STAT2: variants seen among roughly 807,000 people sequenced by gnomAD.
STAT2 encodes interferon alpha induced transcriptional activator.
STAT2 carries 51 observed loss-of-function variants against 122.3 expected under a neutral mutation model. The observed-to-expected ratio is 0.42, with a 90% confidence interval of 0.33 to 0.53. The LOEUF (loss-of-function observed/expected upper bound fraction) is 0.53, where lower values mean the gene tolerates loss of function less well. Among genes scored for constraint, STAT2 ranks in the 20% least tolerant of loss-of-function variants. The probability of loss-of-function intolerance (pLI) is 0.10; values close to 1 mark genes in which losing one functional copy is unlikely to be tolerated. For synonymous variants in STAT2, 351 were observed against 394.9 expected, an observed-to-expected ratio of 0.89 and a Z score of 1.32; for missense variants, 736 against 1,010.3, an observed-to-expected ratio of 0.73 and a Z score of 3.68.
At chr12:56,348,234 T>C (rs1480287006) in intron 19 of STAT2, among the ~76,000 whole-genome samples, 1 of 151,820 alleles carries the variant, frequency 6.6e-6, no homozygotes, top group Non-Finnish European at 1.5e-5. Context: ...ACTACAGGTG[T>C]CTGCCACCAC....
intron 19 of STAT2, among the ~76,000 whole-genome samples, chr12:56,347,190 CTT>C (rs979112702): frequency 6.8e-6 from 1 of 147,352 alleles, no homozygotes; most frequent in South Asian, 2.2e-4. Context: ...ATGAACAGCA[CTT>C]TTTTTTTTTT....
intron 3 of STAT2, 137 bp downstream of exon 3, chr12:56,355,995 G>A (rs1297853490): frequency 4.5e-6 from 6 of 1,338,104 alleles, no homozygotes; most frequent in Non-Finnish European, 6.2e-6. Flanking sequence ...GATTCCCCAA[G>A]TCCAGACTCT....
chr12:56,354,121 G>T (rs1879131820), intron 8 of STAT2, among the ~76,000 whole-genome samples: 2 of 138,646 alleles, frequency 1.4e-5, no homozygotes, highest in Non-Finnish European at 1.5e-5. Flanking sequence ...TGTTTAATAA[G>T]CTAGGTAATA....
intron 22 of STAT2, among the ~76,000 whole-genome samples, chr12:56,345,524 A>AAAAAAAAAAAATATATAT (rs1555169410): frequency 3.8e-5 from 1 of 26,250 alleles, no homozygotes; most frequent in Non-Finnish European, 5.4e-5. Context: ...AAAAAAAAAA[A>AAAAAAAAAAAATATATAT]ATATATATAT....
rs897413211 is a variant in STAT2 at position 56,343,037 on chromosome 12, T to G, written c.*352A>C. The G allele has an allele frequency of 4.9e-6, 1 of 204,076 alleles. No homozygotes were observed. The highest frequency in any genetic ancestry group is 2.3e-5 in the African/African-American group (1 of 43,322). The allele number at this position is 204,076 out of a possible 1,614,324, so 12.6% of individuals were successfully genotyped here. On this transcript the variant is annotated 3_prime_UTR_variant, in exon 24 of 24. Transcript: ENST00000314128. ...GCACCAGTTTAGCCTAACCAACTATTAAAATGTTGAAATCCTTCCATACTG... is the reference window on the plus strand; with the variant it reads ...GCACCAGTTTAGCCTAACCAACTATGAAAATGTTGAAATCCTTCCATACTG...
At chr12:56,358,015 T>C (rs1879784418) in intron 1 of STAT2, among the ~76,000 whole-genome samples, 1 of 152,200 alleles carries the variant, frequency 6.6e-6, no homozygotes, top group Admixed American at 6.5e-5. Context: ...ATGGTAATTT[T>C]CAAATACACA....
chr12:56,356,642 A>T, intron 1 of STAT2, 64 bp from the exon 2 acceptor site: 1 of 1,567,620 alleles, frequency 6.4e-7, no homozygotes, highest in Non-Finnish European at 8.6e-7. Flanking sequence ...CCATAGTTTC[A>T]TGATTGTTCA....
At chr12:56,356,331 G>A (rs377708506) in intron 2 of STAT2, 46 bp from the exon 3 acceptor site, 13 of 1,607,484 alleles carry the variant, frequency 8.1e-6, no homozygotes, top group Non-Finnish European at 1.0e-5. Context: ...CAGTGTTACT[G>A]TAGTCCTGAG....
rs554646094 is a variant in STAT2, at chr12:56,358,672, C to G, written c.-8+1386G>C. On this transcript the variant is annotated intron_variant, in intron 1 of 23. Coordinates refer to ENST00000314128, the MANE Select transcript of STAT2 (RefSeq NM_005419.4). ...TCTAAATGCTGTGCAATGGGTGGCTCAATCCCAAGAATATGACACGTTTAT... is the reference window on the plus strand; with the variant it reads ...TCTAAATGCTGTGCAATGGGTGGCTGAATCCCAAGAATATGACACGTTTAT... 2.0e-5 allele frequency among the ~76,000 whole-genome samples: 3 copies of G among 152,270 alleles called. No homozygotes were observed. The South Asian group carries it at 6.2e-4, about 32-fold the overall frequency.
Position 56,360,080 on chromosome 12 carries a change from C to A in STAT2, c.-30G>T, listed in dbSNP as rs1880154545. On this transcript the variant is annotated 5_prime_UTR_variant, in exon 1 of 24. Transcript: ENST00000314128. ...TACCTGATTAGGGTTGCAGTCCCCG[C>A]GCCCTCCAATGGCTCTGGTCGCGAC... is the stretch of plus-strand genomic sequence containing the variant. 1.0e-6 allele frequency: 1 copy of A among 985,280 alleles called. No individual in the cohort carries two copies. Among genetic ancestry groups the A allele is most frequent in the African/African-American group, 1.7e-5 (1 of 57,190 alleles). The allele number at this position is 985,280 out of a possible 1,614,324, so 61.0% of individuals were successfully genotyped here.
chr12:56,347,031 G>C (rs1221331962), intron 19 of STAT2, 76 bp from the exon 20 acceptor site: 6 of 1,569,508 alleles, frequency 3.8e-6, no homozygotes, highest in African/African-American at 1.4e-5. Flanking sequence ...TGCTCCCCTT[G>C]TATGGAGAAA....
At position 56,343,682 on chromosome 12, in the gene STAT2, G is replaced by A. The variant is rs11575242; in HGVS notation, c.2413+143C>T. On this transcript the variant is annotated intron_variant, in intron 23 of 23. Transcript: ENST00000314128. ...AGAGCAGGGAGGTGGGGGAAGGCATGTGTAATTCCTAAAAAAAGGAATCAC... is the reference window on the plus strand; with the variant it reads ...AGAGCAGGGAGGTGGGGGAAGGCATATGTAATTCCTAAAAAAAGGAATCAC... 129 of 1,522,646 alleles carry A rather than the reference G, an allele frequency of 8.5e-5. 1 individual carries two copies. In the Admixed American group the frequency reaches 1.3e-3, roughly 16 times the overall value. The allele number at this position is 1,522,646 out of a possible 1,614,324, so 94.3% of individuals were successfully genotyped here. A position where few individuals can be genotyped will look rare whatever the true frequency, so the allele number is the denominator to read the frequency against.
chr12:56,350,726 G>A, intron 11 of STAT2, 103 bp downstream of exon 11: 1 of 1,217,006 alleles, frequency 8.2e-7, no homozygotes, highest in Non-Finnish European at 1.2e-6. Flanking sequence ...AGGTAGGATT[G>A]GAAGGAGGAA....
chr12:56,354,153 C>T (rs1256629842), intron 8 of STAT2, among the ~76,000 whole-genome samples: 22 of 146,624 alleles, frequency 1.5e-4, no homozygotes, highest in Admixed American at 3.4e-4. Context: ...CTTCCTCCTT[C>T]CTTCCTTCCT....
chr12:56,358,371 G>A (rs1379989861), intron 1 of STAT2, among the ~76,000 whole-genome samples: 8 of 151,312 alleles, frequency 5.3e-5, no homozygotes, highest in African/African-American at 1.7e-4. Flanking sequence ...TCAGCCTCCC[G>A]ACTAGCTGGG....
intron 8 of STAT2, among the ~76,000 whole-genome samples, chr12:56,354,243 C>T (rs1879159676): frequency 6.7e-6 from 1 of 149,552 alleles, no homozygotes. Context: ...GAAGGAAAAA[C>T]CAGATTGTGG....
chr12:56,354,016 A>AAAAAAATATATAT (rs71081350), intron 8 of STAT2, among the ~76,000 whole-genome samples: 3 of 16,696 alleles, frequency 1.8e-4, no homozygotes, highest in African/African-American at 3.3e-4. Context: ...AAAAAAAAAA[A>AAAAAAATATATAT]ATATATATAT....
At chr12:56,354,301 C>T (rs964378499) in intron 8 of STAT2, 165 bp downstream of exon 8, 24 of 1,007,650 alleles carry the variant, frequency 2.4e-5, no homozygotes, top group Middle Eastern at 3.3e-4. Flanking sequence ...GGGCTCCCTG[C>T]GTGGTGAGGA....
rs1440464266 is a variant in STAT2, at chr12:56,344,070, A to C, written c.2168T>G (p.Leu723Arg). 6.2e-7 allele frequency: 1 copy of C among 1,602,854 alleles called. No individual in the cohort carries two copies. The highest frequency in any genetic ancestry group is 1.1e-5 in the South Asian group (1 of 90,040). The part of the protein sequence containing the change: ...KPEPELESLE[L>R]ELGLVPEPEL... Reference sequence around the variant, plus strand: ...TGGCTCTGGCACCAGCCCTAGTTCCAGCTCTAATGACTCCAGCTCTGGCTC... The same window carrying C: ...TGGCTCTGGCACCAGCCCTAGTTCCCGCTCTAATGACTCCAGCTCTGGCTC... The change falls in exon 23 of 24, where the codon CTG (leucine) becomes CGG (arginine). Residue 723 changes from leucine to arginine, a missense_variant. By Grantham distance (102) the Leu-to-Arg change is moderately radical. Transcript: ENST00000314128.
Sources: allele counts gnomAD v4.1 joint callset (sites outside exome capture counted in the v4.1 genomes callset), GRCh38; gene constraint gnomAD v4.1.1; transcripts MANE v1.5; gene names NCBI Gene and HGNC (gene_info 2026-07-23, HGNC 2026-07-21).